The following AGBL1 variants were observed in gnomAD, a reference collection of about 807,000 sequenced individuals.
The protein encoded by AGBL1 is cytosolic carboxypeptidase 4.
In AGBL1, 130 loss-of-function variants were observed where a neutral mutation model predicts 118.9. The observed-to-expected ratio is 1.09, with a 90% CI of 0.95 to 1.26. The LOEUF (loss-of-function observed/expected upper bound fraction) is 1.26, where lower values mean the gene tolerates loss of function less well. Among genes scored for constraint, AGBL1 ranks in the 50% most tolerant of loss-of-function variants. The probability of loss-of-function intolerance (pLI) is 0.00; values close to 1 mark genes in which losing one functional copy is unlikely to be tolerated. For synonymous variants in AGBL1, 555 were observed against 478.9 expected (o/e 1.16, Z -2.08); for missense variants, 1,584 against 1,298.1 (o/e 1.22, Z -3.38).
chr15:86,882,361 A>T (rs776587134), intron 22 of AGBL1, among the ~76,000 whole-genome samples: 1 of 152,190 alleles, frequency 6.6e-6, no homozygotes, highest in Non-Finnish European at 1.5e-5. Flanking sequence ...ATAATAAAAC[A>T]TCTCTATGTA....
chr15:86,168,891 GT>G, intron 5 of AGBL1, among the ~76,000 whole-genome samples: 2 of 152,228 alleles, frequency 1.3e-5, no homozygotes, highest in South Asian at 4.1e-4. Flanking sequence ...GAGTTTCTCT[GT>G]TTTTTATTTC....
chr15:86,162,868 G>T (rs1319709322), intron 5 of AGBL1, among the ~76,000 whole-genome samples: 1 of 152,140 alleles, frequency 6.6e-6, no homozygotes, highest in Non-Finnish European at 1.5e-5. Flanking sequence ...GCTGCCTTGT[G>T]CAGTGGTAGA....
At chr15:86,706,886 A>G (rs1036400872) in intron 22 of AGBL1, among the ~76,000 whole-genome samples, 5 of 152,152 alleles carry the variant, frequency 3.3e-5, no homozygotes, top group African/African-American at 1.2e-4. Context: ...AGTTTTCTCT[A>G]CCAGTTACTC....
intron 22 of AGBL1, among the ~76,000 whole-genome samples, chr15:86,692,157 G>A (rs2086183422): frequency 1.3e-5 from 2 of 151,754 alleles, no homozygotes; most frequent in South Asian, 4.2e-4. Context: ...CAGCCTGGGT[G>A]ACACAGCAAG....
chr15:86,885,372 A>G (rs143523070), intron 22 of AGBL1, among the ~76,000 whole-genome samples: 382 of 152,330 alleles, frequency 2.5e-3, no homozygotes, highest in African/African-American at 8.7e-3. Context: ...TCGCTCACAC[A>G]TCTTGTGAAA....
At chr15:86,197,794 GGGAATAGAGCAAAA>G (rs1234835203) in intron 5 of AGBL1, among the ~76,000 whole-genome samples, 1 of 152,008 alleles carries the variant, frequency 6.6e-6, no homozygotes, top group Admixed American at 6.6e-5. Context: ...TTGGACTGAA[GGGAATAGAGCAAAA>G]GGAACTAAGT....
chr15:86,125,622 A>G (rs1898377682), intron 1 of AGBL1, among the ~76,000 whole-genome samples: 1 of 152,254 alleles, frequency 6.6e-6, no homozygotes, highest in East Asian at 1.9e-4. Context: ...GAGGGAAGCC[A>G]CAACTCTCTA....
chr15:86,834,602 CTG>C (rs2079147376), intron 22 of AGBL1, among the ~76,000 whole-genome samples: 1 of 151,504 alleles, frequency 6.6e-6, no homozygotes, highest in Non-Finnish European at 1.5e-5. Context: ...TAGGGGAACA[CTG>C]TATCAGGCAC....
chr15:86,091,804 C>T (rs576913148), intron 1 of AGBL1, among the ~76,000 whole-genome samples: 2 of 152,230 alleles, frequency 1.3e-5, no homozygotes, highest in South Asian at 4.2e-4. Context: ...TTATATATCT[C>T]TCATGTATCT....
rs190868735 is a variant in AGBL1 at position 86,670,429 on chromosome 15, C to A, written c.2995-3844C>A. Among the ~76,000 whole-genome samples, 790 of 151,804 alleles carry A rather than the reference C, an allele frequency of 5.2e-3. 8 individuals carry two copies. Among genetic ancestry groups the A allele is most frequent in the African/African-American group, 0.016 (662 of 41,402 alleles). ...GACCAGCCTGGCCAAGGTGGTGAAA[C>A]CCTGTCTCTACTCAAAATACAAAAA... On this transcript the variant is annotated intron_variant, in intron 21 of 22. Transcript: ENST00000614907.
chr15:86,491,978 T>C (rs1410887405), intron 18 of AGBL1, among the ~76,000 whole-genome samples: 8 of 152,076 alleles, frequency 5.3e-5, no homozygotes, highest in African/African-American at 1.9e-4. Context: ...TCATGATTTA[T>C]CTTGGTTCTC....
intron 22 of AGBL1, among the ~76,000 whole-genome samples, chr15:86,903,037 A>C (rs1249915901): frequency 6.6e-6 from 1 of 152,112 alleles, no homozygotes; most frequent in Admixed American, 6.5e-5. Context: ...AATGAAGATT[A>C]GATCTTTTGT....
Position 86,309,193 on chromosome 15 carries a change from T to A in AGBL1, c.2374+13785T>A, listed in dbSNP as rs576453334. On this transcript the variant is annotated intron_variant, in intron 17 of 22. Transcript: ENST00000614907. ...TTATGTTATTGTAAATGAGATTTTTTAAATTTCCTTTCAAATAGTTTGTTG... is the reference window on the plus strand; with the variant it reads ...TTATGTTATTGTAAATGAGATTTTTAAAATTTCCTTTCAAATAGTTTGTTG... Among the ~76,000 whole-genome samples, 18 of 152,360 alleles carry A rather than the reference T, an allele frequency of 1.2e-4. 1 individual carries two copies. The highest frequency in any genetic ancestry group is 8.3e-4 in the South Asian group (4 of 4,830).
intron 21 of AGBL1, among the ~76,000 whole-genome samples, chr15:86,667,519 G>A (rs1401752805): frequency 1.3e-5 from 2 of 152,086 alleles, no homozygotes; most frequent in Non-Finnish European, 2.9e-5. Context: ...TTAGGTATTA[G>A]TAGTATGAAT....
downstream of AGBL1, chr15:87,029,186 T>C (rs1199747558): frequency 1.0e-5 from 2 of 194,648 alleles, no homozygotes; most frequent in Non-Finnish European, 2.1e-5. Flanking sequence ...AGCATTAAAA[T>C]GTCTCTTACC....
chr15:87,002,471 G>T (rs1291212582), intron 24 of AGBL1, among the ~76,000 whole-genome samples: 1 of 151,784 alleles, frequency 6.6e-6, no homozygotes, highest in Non-Finnish European at 1.5e-5. Context: ...GCTCTTTTTT[G>T]GTTCCATATG....
At chr15:86,711,654 C>T (rs1458102660) in intron 22 of AGBL1, among the ~76,000 whole-genome samples, 1 of 152,158 alleles carries the variant, frequency 6.6e-6, no homozygotes, top group Non-Finnish European at 1.5e-5. Context: ...CAGGAGTTGG[C>T]AAACTATGGC....
At chr15:86,485,823 G>T (rs1252042080) in intron 18 of AGBL1, among the ~76,000 whole-genome samples, 1 of 152,078 alleles carries the variant, frequency 6.6e-6, no homozygotes. Context: ...GATCCAGGTG[G>T]CCTGCAGAAA....
At chr15:86,726,966 C>T (rs898607903) in intron 22 of AGBL1, among the ~76,000 whole-genome samples, 4 of 151,380 alleles carry the variant, frequency 2.6e-5, no homozygotes, top group East Asian at 1.9e-4. Flanking sequence ...GTCAGATACA[C>T]GTGGGGAGCT....
Sources: gnomAD v4.1 joint callset for allele counts (sites outside exome capture counted in the v4.1 genomes callset) on GRCh38, gnomAD v4.1.1 for gene constraint, MANE v1.5 for transcripts, NCBI Gene and HGNC (gene_info 2026-07-23, HGNC 2026-07-21) for gene names.